SPOCK3: variants seen among roughly 807,000 people sequenced by gnomAD.
SPOCK3 encodes SPARC (osteonectin), cwcv and kazal like domains proteoglycan 3, also known as testican-3.
SPOCK3 carries 30 observed loss-of-function variants against 56.6 expected under a neutral mutation model. The ratio of observed to expected loss-of-function variants is 0.53; its 90% CI spans 0.40 to 0.72. The LOEUF (loss-of-function observed/expected upper bound fraction) is 0.72, where lower values mean the gene tolerates loss of function less well. Among genes scored for constraint, SPOCK3 ranks in the 30% least tolerant of loss-of-function variants. The pLI is 0.00. For missense variants in SPOCK3, 527 were observed against 530.0 expected, an observed-to-expected ratio of 0.99 and a Z score of 0.06; for synonymous variants, 196 against 183.3, an observed-to-expected ratio of 1.07 and a Z score of -0.56.
chr4:167,034,130 A>G (rs1303210584), intron 3 of SPOCK3, among the ~76,000 whole-genome samples: 1 of 152,056 alleles, frequency 6.6e-6, no homozygotes, highest in Non-Finnish European at 1.5e-5. Context: ...CAGATTATCA[A>G]AACCCTCAGA....
chr4:166,774,685 T>C (rs1739333127), intron 7 of SPOCK3, among the ~76,000 whole-genome samples: 1 of 152,162 alleles, frequency 6.6e-6, no homozygotes, highest in South Asian at 2.1e-4. Context: ...GACTTTTAGA[T>C]TTTTCTGGTG....
intron 7 of SPOCK3, among the ~76,000 whole-genome samples, chr4:166,775,588 GGATACT>G (rs1739438366): frequency 6.6e-6 from 1 of 152,072 alleles, no homozygotes; most frequent in Non-Finnish European, 1.5e-5. Flanking sequence ...TTTCTAAATG[GGATACT>G]GAACAAAATC....
intron 5 of SPOCK3, among the ~76,000 whole-genome samples, chr4:166,889,842 G>T (rs1191475300): frequency 1.3e-5 from 2 of 151,852 alleles, no homozygotes; most frequent in Non-Finnish European, 2.9e-5. Context: ...TAGCACCATA[G>T]CTCAAACACA....
chr4:166,929,877 A>C (rs1197611988), intron 4 of SPOCK3, among the ~76,000 whole-genome samples: 1 of 152,138 alleles, frequency 6.6e-6, no homozygotes, highest in African/African-American at 2.4e-5. Context: ...ACATTTGATT[A>C]TATGTATAAT....
intron 2 of SPOCK3, among the ~76,000 whole-genome samples, chr4:167,108,161 C>A (rs1269567153): frequency 6.6e-6 from 1 of 151,774 alleles, no homozygotes; most frequent in African/African-American, 2.4e-5. Flanking sequence ...ATAACAAATG[C>A]TGGTGAGGAT....
chr4:167,107,194 A>G (rs1349571880), intron 2 of SPOCK3, among the ~76,000 whole-genome samples: 1 of 151,950 alleles, frequency 6.6e-6, no homozygotes, highest in Non-Finnish European at 1.5e-5. Flanking sequence ...ACAAAGATAC[A>G]TAAGTAAAAG....
chr4:166,792,276 C>T lies in SPOCK3; in HGVS notation c.603G>A (p.Leu201=). 6.2e-7 allele frequency: 1 copy of T among 1,613,762 alleles called. No homozygotes were observed. The highest frequency in any genetic ancestry group is 8.5e-7 in the Non-Finnish European group (1 of 1,179,788). Residue 201 remains leucine, a synonymous_variant, in exon 7 of 11, where the codon CTG becomes CTA. Transcript: ENST00000357545. ...ATCTGTTTGCCACTTCCCTGAACTC[C>T]AGGTCACTGCATGCTAAAAACAGAG... ...SRNVKRACSD[L]EFREVANRLR...
At chr4:167,104,612 A>G (rs1759935937) in intron 2 of SPOCK3, among the ~76,000 whole-genome samples, 1 of 152,120 alleles carries the variant, frequency 6.6e-6, no homozygotes, top group Non-Finnish European at 1.5e-5. Context: ...CAAAGGACAA[A>G]TCTAAGAGTT....
At chr4:166,764,238 C>T (rs7689792) in intron 7 of SPOCK3, among the ~76,000 whole-genome samples, 50,162 of 151,804 alleles carry the variant, frequency 0.33, 8,446 homozygotes, top group Admixed American at 0.42. Flanking sequence ...ATGTGCACAA[C>T]GTGCAGGTTT....
At chr4:166,969,088 C>T (rs1745078122) in intron 4 of SPOCK3, among the ~76,000 whole-genome samples, 1 of 152,150 alleles carries the variant, frequency 6.6e-6, no homozygotes, top group Admixed American at 6.5e-5. Flanking sequence ...GCTGATTTCT[C>T]CCTTTTGGAA....
intron 4 of SPOCK3, among the ~76,000 whole-genome samples, chr4:166,945,271 T>C (rs1741588398): frequency 6.6e-6 from 1 of 152,146 alleles, no homozygotes; most frequent in Non-Finnish European, 1.5e-5. Context: ...ATATAGGAAA[T>C]ACATTCATTT....
chr4:167,217,184 T>A (rs1169397349), intron 2 of SPOCK3, among the ~76,000 whole-genome samples: 1 of 152,104 alleles, frequency 6.6e-6, no homozygotes, highest in African/African-American at 2.4e-5. Context: ...AATTTGAATA[T>A]CCTTAACAAG....
chr4:166,853,887 A>G (rs1730389939), intron 6 of SPOCK3, among the ~76,000 whole-genome samples: 1 of 152,102 alleles, frequency 6.6e-6, no homozygotes, highest in Admixed American at 6.5e-5. Context: ...CTCTCAAAAA[A>G]AAAAAGAAAA....
chr4:166,892,897 C>T (rs529003330), intron 5 of SPOCK3, among the ~76,000 whole-genome samples: 4 of 152,166 alleles, frequency 2.6e-5, no homozygotes, highest in East Asian at 1.9e-4. Flanking sequence ...AAGAGCCCAA[C>T]CTTCAGGGTC....
chr4:167,192,163 A>C (rs1580568743), intron 2 of SPOCK3, among the ~76,000 whole-genome samples: 2 of 145,932 alleles, frequency 1.4e-5, no homozygotes, highest in Admixed American at 1.4e-4. Context: ...CTTTTCATTC[A>C]CTGTTGAATT....
intron 4 of SPOCK3, among the ~76,000 whole-genome samples, chr4:166,920,647 C>T (rs1297773721): frequency 1.3e-5 from 2 of 151,986 alleles, no homozygotes; most frequent in African/African-American, 4.8e-5. Flanking sequence ...AATGTATTCA[C>T]ATTTTAAAAA....
intron 5 of SPOCK3, 80 bp from the exon 6 acceptor site, chr4:166,889,324 G>T: frequency 1.1e-6 from 1 of 918,986 alleles, no homozygotes; most frequent in South Asian, 1.5e-5. Flanking sequence ...AGAAAGAAAG[G>T]TAATTTTTGA....
rs150854546 is a variant in SPOCK3, at chr4:166,876,394, C to A, written c.589+12736G>T. 2.2e-4 allele frequency among the ~76,000 whole-genome samples: 33 copies of A among 152,148 alleles called. 2 individuals are homozygous for A. The East Asian group carries it at 6.2e-3, about 29-fold the overall frequency. On this transcript the variant is annotated intron_variant, in intron 6 of 10. Transcript: ENST00000357545. ...GATGAAAAAGAAAGCTATTTAGAAG[C>A]TCCGTGGAAGAGAGTTAAGAAACTG...
chr4:166,748,532 C>T lies in SPOCK3; in HGVS notation c.931+5976G>A, dbSNP rs1735947059. 1.5e-5 allele frequency among the ~76,000 whole-genome samples: 2 copies of T among 136,248 alleles called. 1 individual carries two copies. The highest frequency in any genetic ancestry group is 6.3e-5 in the African/African-American group (2 of 31,956). The allele number at this position is 136,248 out of a possible 152,430, so 89.4% of individuals were successfully genotyped here. A position where few individuals can be genotyped will look rare whatever the true frequency, so the allele number is the denominator to read the frequency against. On this transcript the variant is annotated intron_variant, in intron 8 of 10. Transcript: ENST00000357545. ...ATGTTAGACCTAAAGCCATAAAAAC[C>T]CTAGAAGAAAACCTAGGCAATACCA...
Sources: allele counts gnomAD v4.1 joint callset (sites outside exome capture counted in the v4.1 genomes callset), GRCh38; gene constraint gnomAD v4.1.1; transcripts MANE v1.5; gene names NCBI Gene and HGNC (gene_info 2026-07-23, HGNC 2026-07-21).